RHBDD1: variants seen among roughly 807,000 people sequenced by gnomAD.
The protein encoded by RHBDD1 is rhomboid domain containing 1.
A neutral mutation model predicts 36.3 loss-of-function variants in RHBDD1; 38 were observed. The observed-to-expected ratio is 1.05, with a 90% confidence interval of 0.81 to 1.37. The LOEUF (loss-of-function observed/expected upper bound fraction) is 1.37, where lower values mean the gene tolerates loss of function less well. RHBDD1 is among the 40% of genes most tolerant of loss of function. RHBDD1 has a pLI of 0.00. For synonymous variants in RHBDD1, 151 were observed against 136.5 expected, an observed-to-expected ratio of 1.11 and a Z score of -0.74; for missense variants, 393 against 377.6, an observed-to-expected ratio of 1.04 and a Z score of -0.34.
At chr2:226,972,593 G>A (rs1953753332) in intron 8 of RHBDD1, among the ~76,000 whole-genome samples, 1 of 152,208 alleles carries the variant, frequency 6.6e-6, no homozygotes, top group Non-Finnish European at 1.5e-5. Flanking sequence ...CATGGACGGA[G>A]CTTCTGGGTC....
chr2:226,847,559 AG>A (rs1942354280), intron 3 of RHBDD1, among the ~76,000 whole-genome samples: 1 of 152,236 alleles, frequency 6.6e-6, no homozygotes, highest in Admixed American at 6.5e-5. Flanking sequence ...CTCTCAGCAG[AG>A]GAAAGCATAT....
chr2:226,837,504 G>A (rs1490476512), intron 1 of RHBDD1: 3 of 152,184 alleles, frequency 2.0e-5, no homozygotes, highest in Admixed American at 2.0e-4. Context: ...TAGTATTTAT[G>A]TTGAAGAGTA....
At chr2:226,861,403 C>T (rs548844958) in intron 3 of RHBDD1, among the ~76,000 whole-genome samples, 8 of 152,194 alleles carry the variant, frequency 5.3e-5, no homozygotes, top group Admixed American at 2.0e-4. Flanking sequence ...TTTCATCCAG[C>T]CAGAAGTAAC....
At chr2:226,960,742 G>A (rs1213935379) in intron 8 of RHBDD1, among the ~76,000 whole-genome samples, 1 of 152,162 alleles carries the variant, frequency 6.6e-6, no homozygotes, top group Non-Finnish European at 1.5e-5. Flanking sequence ...GAAATAAGAT[G>A]TTTGAGTTGG....
At chr2:226,896,172 C>G (rs1947080018) in intron 5 of RHBDD1, among the ~76,000 whole-genome samples, 1 of 152,184 alleles carries the variant, frequency 6.6e-6, no homozygotes. Context: ...CAACTTGCGA[C>G]CTAGTTACCT....
At chr2:226,852,120 T>C (rs962930414) in intron 3 of RHBDD1, among the ~76,000 whole-genome samples, 1 of 152,204 alleles carries the variant, frequency 6.6e-6, no homozygotes, top group African/African-American at 2.4e-5. Context: ...TCTTGAATTT[T>C]GTTGAATCCG....
chr2:226,889,779 G>A (rs1009028578), intron 5 of RHBDD1, among the ~76,000 whole-genome samples: 6 of 152,228 alleles, frequency 3.9e-5, no homozygotes, highest in African/African-American at 1.4e-4. Context: ...CATCAGGGAT[G>A]AAGTACTGGG....
intron 8 of RHBDD1, among the ~76,000 whole-genome samples, chr2:226,971,704 G>A (rs897406655): frequency 6.6e-6 from 1 of 151,920 alleles, no homozygotes; most frequent in Non-Finnish European, 1.5e-5. Context: ...GGTGTTTTTT[G>A]CCTGTTGTTT....
At chr2:226,850,705 A>C (rs137886099) in intron 3 of RHBDD1, among the ~76,000 whole-genome samples, 1 of 152,276 alleles carries the variant, frequency 6.6e-6, no homozygotes, top group East Asian at 1.9e-4. Context: ...GATTTTTAAG[A>C]GGCTCTGTGC....
intron 8 of RHBDD1, among the ~76,000 whole-genome samples, chr2:226,983,159 C>G (rs1166274618): frequency 1.3e-5 from 2 of 152,186 alleles, no homozygotes; most frequent in Admixed American, 1.3e-4. Context: ...TGTGGGCATC[C>G]AGCTCACTTG....
chr2:226,870,248 G>C (rs1443840600), intron 5 of RHBDD1, among the ~76,000 whole-genome samples: 2 of 152,176 alleles, frequency 1.3e-5, no homozygotes, highest in African/African-American at 4.8e-5. Flanking sequence ...TGATAAGTCA[G>C]TTTTAAGGTG....
chr2:226,984,847 A>G (rs949364245), intron 8 of RHBDD1, among the ~76,000 whole-genome samples: 3 of 148,458 alleles, frequency 2.0e-5, no homozygotes, highest in Admixed American at 6.8e-5. Context: ...ACTCTGAACC[A>G]GGCATCAGGC....
intron 8 of RHBDD1, among the ~76,000 whole-genome samples, chr2:226,926,943 G>A (rs1176053228): frequency 6.6e-6 from 1 of 151,990 alleles, no homozygotes; most frequent in Non-Finnish European, 1.5e-5. Flanking sequence ...TGGGTTCCTT[G>A]TTAATATTTT....
intron 5 of RHBDD1, among the ~76,000 whole-genome samples, chr2:226,906,090 A>G (rs1303060188): frequency 6.6e-6 from 1 of 152,230 alleles, no homozygotes; most frequent in Non-Finnish European, 1.5e-5. Flanking sequence ...CACTTGGGTC[A>G]AAGTAGACCT....
In RHBDD1 at chr2:226,997,217, T is replaced by C. The variant is rs1959602980; in HGVS notation, c.*1695T>C. The C allele has an allele frequency of 6.6e-6, 1 of 152,218 alleles. No homozygotes were observed. Among genetic ancestry groups the C allele is most frequent in the Admixed American group, 6.5e-5 (1 of 15,292 alleles). The allele number at this position is 152,218 out of a possible 1,614,324, so 9.4% of individuals were successfully genotyped here. A position where few individuals can be genotyped will look rare whatever the true frequency, so the allele number is the denominator to read the frequency against. Reference sequence around the variant, plus strand: ...ATAAAACTACATCTTCTTTATAATATAAATTGTACCTGTGAGTCTAGAAGC... The same window carrying C: ...ATAAAACTACATCTTCTTTATAATACAAATTGTACCTGTGAGTCTAGAAGC... On this transcript the variant is annotated 3_prime_UTR_variant, in exon 9 of 9. Coordinates refer to ENST00000392062, the MANE Select transcript of RHBDD1 (RefSeq NM_001167608.3).
At chr2:226,834,422 A>C (rs185203152), upstream of RHBDD1, among the ~76,000 whole-genome samples, 4 of 152,240 alleles carry the variant, frequency 2.6e-5, no homozygotes, top group Admixed American at 2.0e-4. Flanking sequence ...CTTTTGGAGG[A>C]GTATATTGTT....
intron 5 of RHBDD1, chr2:226,867,522 A>G (rs956858717): frequency 2.1e-6 from 2 of 947,790 alleles, no homozygotes; most frequent in Non-Finnish European, 2.5e-6. Context: ...ATTTTGGGTC[A>G]CTTGTCTTAA....
chr2:226,835,583 C>CAG (rs1940878434), upstream of RHBDD1: 1 of 152,268 alleles, frequency 6.6e-6, no homozygotes, highest in African/African-American at 2.4e-5. Context: ...TTCCAGGCAG[C>CAG]AGCTCCCCAG....
upstream of RHBDD1, among the ~76,000 whole-genome samples, chr2:226,831,360 A>C (rs1381126636): frequency 6.6e-6 from 1 of 152,192 alleles, no homozygotes; most frequent in African/African-American, 2.4e-5. Context: ...CCTAACCCCC[A>C]GTACCTTAGA....
Sources: allele counts gnomAD v4.1 joint callset (sites outside exome capture counted in the v4.1 genomes callset), GRCh38; gene constraint gnomAD v4.1.1; transcripts MANE v1.5; gene names NCBI Gene and HGNC (gene_info 2026-07-23, HGNC 2026-07-21).